The following H6PD variants were observed in gnomAD, a reference collection of about 807,000 sequenced individuals.
H6PD encodes the protein hexose-6-phosphate dehydrogenase/glucose 1-dehydrogenase.
H6PD carries 48 observed loss-of-function variants against 61.2 expected under a neutral mutation model. The observed-to-expected ratio is 0.78, with a 90% CI of 0.62 to 1.00. The LOEUF is 1.00. Among genes scored for constraint, H6PD ranks in the 50% least tolerant of loss-of-function variants. H6PD has a pLI of 0.00. For synonymous variants in H6PD, 480 were observed against 457.9 expected (o/e 1.05, Z -0.62); for missense variants, 1,093 against 1,065.0 (o/e 1.03, Z -0.37).
chr1:9,248,556 G>A (rs912397340), intron 3 of H6PD, among the ~76,000 whole-genome samples: 3 of 152,078 alleles, frequency 2.0e-5, no homozygotes, highest in Admixed American at 1.3e-4. Flanking sequence ...CCAGCTACTC[G>A]GGGGCAGAGG....
intron 3 of H6PD, among the ~76,000 whole-genome samples, chr1:9,251,448 T>C (rs201697732): frequency 0.24 from 35,430 of 150,638 alleles, 5,177 homozygotes; most frequent in African/African-American, 0.41. Context: ...GTTGTTGTTG[T>C]TGTTGTTGTT....
At chr1:9,263,286 G>T (rs1277457463) in intron 4 of H6PD, among the ~76,000 whole-genome samples, 1 of 152,176 alleles carries the variant, frequency 6.6e-6, no homozygotes, top group Non-Finnish European at 1.5e-5. Context: ...CTCAATGAAG[G>T]CAGGTGTCAA....
intron 1 of H6PD, among the ~76,000 whole-genome samples, chr1:9,236,416 CTT>C (rs1412209199): frequency 6.6e-6 from 1 of 152,186 alleles, no homozygotes; most frequent in Non-Finnish European, 1.5e-5. Flanking sequence ...AATCCCAACA[CTT>C]TCGGAGGCCA....
chr1:9,236,281 C>T (rs916003655), intron 1 of H6PD, among the ~76,000 whole-genome samples: 4 of 152,166 alleles, frequency 2.6e-5, no homozygotes, highest in Admixed American at 1.3e-4. Context: ...TGAACCACCG[C>T]GCCCAGCTGG....
chr1:9,256,974 T>C (rs1335275317), intron 3 of H6PD, among the ~76,000 whole-genome samples: 2 of 152,172 alleles, frequency 1.3e-5, no homozygotes, highest in Non-Finnish European at 2.9e-5. Context: ...TTTGTCTCTG[T>C]GTCCAGCATT....
rs749808170 is a variant in H6PD, at chr1:9,245,103, G to A, written c.169G>A (p.Gly57Ser). 1 of 1,614,076 alleles carries A rather than the reference G, an allele frequency of 6.2e-7. No individual in the cohort carries two copies. Among genetic ancestry groups the A allele is most frequent in the Non-Finnish European group, 8.5e-7 (1 of 1,180,044 alleles). Residue 57 changes from glycine (G) to serine (S), a missense_variant, in exon 2 of 5, where the codon GGT (glycine) becomes AGT (serine). Physicochemically the swap from Gly to Ser is moderately conservative, Grantham distance 56. Coordinates refer to ENST00000377403, the MANE Select transcript of H6PD (RefSeq NM_004285.4). The surrounding 1 kb of genome is among the most constrained non-coding windows in gnomAD (Gnocchi z 4.8). ...GCTGTACCTGGATGAAGCGGGGAGG[G>A]GTCACAGTTTTAGCTTCCATGGAGC... ...FQLYLDEAGR[G>S]HSFSFHGAAL... is the part of the protein sequence containing the mutation.
At chr1:9,259,311 T>C (rs1641636063) in intron 3 of H6PD, among the ~76,000 whole-genome samples, 3 of 152,348 alleles carry the variant, frequency 2.0e-5, no homozygotes, top group Admixed American at 1.3e-4. Flanking sequence ...TATGTTGCTG[T>C]TGTTACACCA....
At chr1:9,242,411 T>C (rs1641024145) in intron 1 of H6PD, among the ~76,000 whole-genome samples, 1 of 152,218 alleles carries the variant, frequency 6.6e-6, no homozygotes, top group Non-Finnish European at 1.5e-5. Flanking sequence ...TTTAGTTGTT[T>C]TGCAACCACA....
chr1:9,238,150 G>A (rs921682431), intron 1 of H6PD, among the ~76,000 whole-genome samples: 1 of 152,196 alleles, frequency 6.6e-6, no homozygotes, highest in Non-Finnish European at 1.5e-5. Flanking sequence ...ATTAGTGAGG[G>A]AGTAAACCAC....
At chr1:9,241,971 C>T (rs1244527333) in intron 1 of H6PD, among the ~76,000 whole-genome samples, 1 of 152,154 alleles carries the variant, frequency 6.6e-6, no homozygotes, top group East Asian at 1.9e-4. Flanking sequence ...ACTTGGTTAA[C>T]ATAGGTATTA....
rs543287988 is a variant in H6PD at position 9,245,277 on chromosome 1, G to A, written c.343G>A (p.Glu115Lys). Residue 115 changes from glutamate (E) to lysine (K), a missense_variant, in exon 2 of 5, where the codon GAG (glutamate) becomes AAG (lysine). By Grantham distance (56) the Glu-to-Lys change is moderately conservative. Transcript: ENST00000377403. The surrounding 1 kb of genome is among the most constrained non-coding windows in gnomAD (Gnocchi z 4.8). ...CCAGTACCGCCAACTGAAGACGGCC[G>A]AGGACTATCAGGCCCTGAACAAGGA... ...LSQYRQLKTAEDYQALNKDIE... is the reference protein window; with the variant it reads ...LSQYRQLKTAKDYQALNKDIE... The A allele has an allele frequency of 2.3e-5, 37 of 1,614,210 alleles. No homozygotes were observed. In the East Asian group the frequency reaches 4.5e-4, roughly 19 times the overall value.
rs1394116648 is a variant in H6PD, at chr1:9,255,476, T to G, written c.746-6583T>G. On this transcript the variant is annotated intron_variant, in intron 3 of 4. Transcript: ENST00000377403. The stretch of plus-strand genomic sequence containing the variant: ...TTTGTATTTTTTGTAGAGATGGGGT[T>G]TTGCCATGTTGCCTAGGCTGGTCTT... Among the ~76,000 whole-genome samples the G allele has an allele frequency of 2.0e-5, 3 of 151,978 alleles. No individual in the cohort carries two copies. The South Asian group carries it at 6.2e-4, about 32-fold the overall frequency.
At chr1:9,241,659 C>T (rs1361514160) in intron 1 of H6PD, among the ~76,000 whole-genome samples, 1 of 152,222 alleles carries the variant, frequency 6.6e-6, no homozygotes, top group Non-Finnish European at 1.5e-5. Flanking sequence ...CTTGGCCTCC[C>T]AGAGTGCCGG....
intron 3 of H6PD, among the ~76,000 whole-genome samples, chr1:9,248,766 A>G (rs1641265624): frequency 1.3e-5 from 2 of 152,328 alleles, no homozygotes; most frequent in African/African-American, 2.4e-5. Flanking sequence ...TCGAGAAGGC[A>G]CTGGGTTTCT....
At chr1:9,261,489 T>C (rs1207483538) in intron 3 of H6PD, among the ~76,000 whole-genome samples, 1 of 152,188 alleles carries the variant, frequency 6.6e-6, no homozygotes, top group African/African-American at 2.4e-5. Context: ...GTTTACTTCC[T>C]TTTCTCTTCT....
Position 9,262,255 on chromosome 1 carries a change from G to A in H6PD, c.942G>A (p.Gln314=). 1.2e-6 allele frequency: 2 copies of A among 1,612,608 alleles called. No individual in the cohort carries two copies. Among genetic ancestry groups the A allele is most frequent in the East Asian group, 2.2e-5 (1 of 44,860 alleles). ...QRGSAVVGQY[Q]SYSEQVRREL... ...GCAGTGCCGTCGTGGGCCAGTACCA[G>A]TCTTACAGTGAGCAGGTGCGCAGAG... Residue 314 remains glutamine (Q), a synonymous_variant, in exon 4 of 5, where the codon CAG becomes CAA. Transcript: ENST00000377403.
Position 9,245,032 on chromosome 1 carries a change from C to A in H6PD, c.98C>A (p.Ala33Glu), listed in dbSNP as rs778117935. 2 of 1,614,186 alleles carry A rather than the reference C, an allele frequency of 1.2e-6. No homozygotes were observed. Among genetic ancestry groups the A allele is most frequent in the Non-Finnish European group, 1.7e-6 (2 of 1,180,022 alleles). Residue 33 changes from alanine to glutamate, a missense_variant, in exon 2 of 5, where the codon GCA becomes GAA. Physicochemically the swap from Ala to Glu is moderately radical, Grantham distance 107 (BLOSUM62 -1). Transcript: ENST00000377403. This position sits in a 1 kb window ranked among gnomAD's most constrained non-coding sequence, Gnocchi z 4.8. The stretch of plus-strand genomic sequence containing the variant: ...CATGTCTCCATAATCCTGCTGGGAG[C>A]AACTGGGGACCTGGCTAAGAAGTAC... ...QGHVSIILLGATGDLAKKYLW... is the reference protein window; with the variant it reads ...QGHVSIILLGETGDLAKKYLW...
chr1:9,266,533 A>G lies in H6PD; in HGVS notation c.*1664A>G, dbSNP rs778396192. The G allele has an allele frequency of 1.3e-5, 2 of 152,180 alleles. No individual in the cohort carries two copies. The highest frequency in any genetic ancestry group is 6.5e-5 in the Admixed American group (1 of 15,272). 9.4% of individuals were successfully genotyped at this position (152,180 alleles called of 1,614,324 possible). On this transcript the variant is annotated 3_prime_UTR_variant, in exon 5 of 5. Coordinates refer to ENST00000377403, the MANE Select transcript of H6PD (RefSeq NM_004285.4). Reference sequence around the variant, plus strand: ...CAGTATCCCACAACTTAAGGCTGGGAGATGGAACTCTTGGTTAAGGTCGAT... The same window carrying G: ...CAGTATCCCACAACTTAAGGCTGGGGGATGGAACTCTTGGTTAAGGTCGAT...
chr1:9,246,187 G>A (rs1442150731), intron 2 of H6PD, among the ~76,000 whole-genome samples: 4 of 152,040 alleles, frequency 2.6e-5, no homozygotes, highest in African/African-American at 9.7e-5. Context: ...CAAGTGATCC[G>A]CTCACTTCGG....
Sources: allele counts gnomAD v4.1 joint callset (sites outside exome capture counted in the v4.1 genomes callset), GRCh38; gene constraint gnomAD v4.1.1; non-coding constraint Gnocchi (gnomAD v3.1); transcripts MANE v1.5; gene names NCBI Gene and HGNC (gene_info 2026-07-23, HGNC 2026-07-21).